GABBR2: variants seen among roughly 807,000 people sequenced by gnomAD.
The protein encoded by GABBR2 is gamma-aminobutyric acid type B receptor subunit 2.
Under a neutral mutation model 105.6 loss-of-function variants are expected in GABBR2, and 23 were observed. The ratio of observed to expected loss-of-function variants is 0.22; its 90% CI spans 0.16 to 0.31. GABBR2 has a LOEUF of 0.31. GABBR2 is among the 10% of genes least tolerant of loss of function. The pLI, the probability that GABBR2 is intolerant of heterozygous loss-of-function variation, is 1.00. For synonymous variants in GABBR2, 478 were observed against 499.7 expected (o/e 0.96, Z 0.58); for missense variants, 734 against 1,245.5 (o/e 0.59, Z 6.18).
At chr9:98,340,733 T>C (rs1247551600) in intron 13 of GABBR2, among the ~76,000 whole-genome samples, 1 of 152,198 alleles carries the variant, frequency 6.6e-6, no homozygotes, top group Admixed American at 6.5e-5. Flanking sequence ...TGATGAACCA[T>C]TTACCAAGAG....
At chr9:98,615,238 G>C (rs893439887) in intron 1 of GABBR2, among the ~76,000 whole-genome samples, 1 of 152,152 alleles carries the variant, frequency 6.6e-6, no homozygotes, top group Non-Finnish European at 1.5e-5. Flanking sequence ...AGATGGTCTG[G>C]ATGTCTCAGC....
At chr9:98,291,453 C>G (rs1349787136) in intron 18 of GABBR2, among the ~76,000 whole-genome samples, 2 of 152,208 alleles carry the variant, frequency 1.3e-5, no homozygotes, top group African/African-American at 4.8e-5. Context: ...AAAGACTTCT[C>G]GCCTGCTCCA....
chr9:98,392,046 G>A (rs779861266), intron 9 of GABBR2, among the ~76,000 whole-genome samples: 6 of 152,134 alleles, frequency 3.9e-5, no homozygotes, highest in African/African-American at 1.2e-4. Context: ...TGGGCTCTGT[G>A]TTCAGAGGCT....
rs368852393 is a variant in GABBR2 at position 98,311,234 on chromosome 9, G to T, written c.1894-29C>A. 9 of 1,376,754 alleles carry T rather than the reference G, an allele frequency of 6.5e-6. No individual in the cohort carries two copies. The African/African-American group carries it at 7.1e-5, about 11-fold the overall frequency. 85.3% of individuals were successfully genotyped at this position (1,376,754 alleles called of 1,614,324 possible). A position where few individuals can be genotyped will look rare whatever the true frequency, so the allele number is the denominator to read the frequency against. ...TGCAAAGAGAAAACAGAGACTCAGGGATGGCACAGGACACTCTTCCAGCAA... is the reference window on the plus strand; with the variant it reads ...TGCAAAGAGAAAACAGAGACTCAGGTATGGCACAGGACACTCTTCCAGCAA... On this transcript the variant is annotated intron_variant, in intron 13 of 18. Coordinates refer to ENST00000259455, the MANE Select transcript of GABBR2 (RefSeq NM_005458.8).
chr9:98,378,676 A>G (rs967847724), intron 11 of GABBR2, among the ~76,000 whole-genome samples: 2 of 152,154 alleles, frequency 1.3e-5, no homozygotes, highest in African/African-American at 4.8e-5. Flanking sequence ...GGCTCAGTGC[A>G]CACTGAGTAG....
intron 2 of GABBR2, among the ~76,000 whole-genome samples, chr9:98,556,363 T>G (rs1202839123): frequency 3.3e-5 from 5 of 151,778 alleles, no homozygotes; most frequent in Non-Finnish European, 5.9e-5. Flanking sequence ...GAAGAAGGGG[T>G]CATCCTAGGT....
intron 2 of GABBR2, among the ~76,000 whole-genome samples, chr9:98,574,830 A>G (rs948094782): frequency 1.3e-5 from 2 of 152,112 alleles, no homozygotes; most frequent in Non-Finnish European, 2.9e-5. Context: ...GTTCCAAGTG[A>G]CACTGAGAAT....
intron 6 of GABBR2, among the ~76,000 whole-genome samples, chr9:98,464,997 C>T (rs1826515209): frequency 6.6e-6 from 1 of 151,948 alleles, no homozygotes; most frequent in Non-Finnish European, 1.5e-5. Flanking sequence ...CCGCAGGGAC[C>T]TCTGCCTAGG....
chr9:98,555,216 T>G (rs916685880), intron 2 of GABBR2, among the ~76,000 whole-genome samples: 1 of 152,224 alleles, frequency 6.6e-6, no homozygotes, highest in Non-Finnish European at 1.5e-5. Context: ...AGCCCTTTCC[T>G]GCAATATTCC....
chr9:98,606,244 G>A (rs978530953), intron 1 of GABBR2, among the ~76,000 whole-genome samples: 5 of 152,172 alleles, frequency 3.3e-5, no homozygotes, highest in African/African-American at 7.2e-5. Context: ...ACGTGTGCGT[G>A]TGTCTTTATA....
chr9:98,513,660 T>C (rs1827699542), intron 3 of GABBR2, among the ~76,000 whole-genome samples: 2 of 152,034 alleles, frequency 1.3e-5, no homozygotes, highest in Non-Finnish European at 1.5e-5. Context: ...GAAAAAATGC[T>C]CATCATCACT....
chr9:98,585,400 C>A (rs1467362535), intron 1 of GABBR2, among the ~76,000 whole-genome samples: 1 of 148,880 alleles, frequency 6.7e-6, no homozygotes, highest in Admixed American at 6.7e-5. Flanking sequence ...GACAAAAAAC[C>A]AAACACCACA....
intron 7 of GABBR2, 63 bp downstream of exon 7, chr9:98,453,918 C>G (rs1826278928): frequency 2.8e-6 from 3 of 1,088,678 alleles, no homozygotes; most frequent in South Asian, 1.3e-5. Flanking sequence ...GTAACAGCCC[C>G]TCTTTTGCTT....
intron 1 of GABBR2, among the ~76,000 whole-genome samples, chr9:98,640,121 C>CAT (rs6151094): frequency 0.43 from 60,168 of 140,538 alleles, 13,166 homozygotes; most frequent in Middle Eastern, 0.6. Flanking sequence ...AAAATACAAC[C>CAT]ATATATATAT....
intron 1 of GABBR2, chr9:98,707,236 T>G (rs1052066316): frequency 6.6e-6 from 1 of 151,928 alleles, no homozygotes; most frequent in Non-Finnish European, 1.5e-5. Flanking sequence ...CCCAAAAGGG[T>G]TCTGCACCTG....
chr9:98,507,129 G>A (rs1827529078), intron 3 of GABBR2, among the ~76,000 whole-genome samples: 1 of 152,198 alleles, frequency 6.6e-6, no homozygotes, highest in Admixed American at 6.5e-5. Flanking sequence ...CTCAGTTTTA[G>A]AAATTCCAAA....
chr9:98,478,454 T>C (rs1169453880), intron 5 of GABBR2, among the ~76,000 whole-genome samples: 1 of 152,102 alleles, frequency 6.6e-6, no homozygotes, highest in East Asian at 1.9e-4. Flanking sequence ...ACCCAACACA[T>C]GGACACTATA....
chr9:98,530,137 A>C (rs1828037692), intron 3 of GABBR2, among the ~76,000 whole-genome samples: 9 of 152,222 alleles, frequency 5.9e-5, no homozygotes, highest in Admixed American at 5.9e-4. Context: ...GACCGGCAGA[A>C]ACAACGTGTC....
At chr9:98,594,393 G>C (rs566820647) in intron 1 of GABBR2, among the ~76,000 whole-genome samples, 2 of 152,320 alleles carry the variant, frequency 1.3e-5, no homozygotes, top group East Asian at 3.9e-4. Context: ...AGAATGTGAG[G>C]CCTCTCCCTG....
Sources: gnomAD v4.1 joint callset for allele counts (sites outside exome capture counted in the v4.1 genomes callset) on GRCh38, gnomAD v4.1.1 for gene constraint, MANE v1.5 for transcripts, NCBI Gene and HGNC (gene_info 2026-07-23, HGNC 2026-07-21) for gene names.